HS3ST4: variants seen among roughly 807,000 people sequenced by gnomAD.
The protein encoded by HS3ST4 is heparan sulfate-glucosamine 3-sulfotransferase 4, also known as heparan sulfate glucosamine 3-O-sulfotransferase 4.
HS3ST4 carries 17 observed loss-of-function variants against 29.2 expected under a neutral mutation model. The observed-to-expected ratio is 0.58, with a 90% CI of 0.40 to 0.87. The LOEUF is 0.87. HS3ST4 is among the 40% of genes least tolerant of loss of function. The probability of loss-of-function intolerance (pLI) is 0.00; values close to 1 mark genes in which losing one functional copy is unlikely to be tolerated. For missense variants in HS3ST4, 627 were observed against 634.5 expected (o/e 0.99, Z 0.13); for synonymous variants, 314 against 285.7 (o/e 1.10, Z -1.00).
Position 25,699,510 on chromosome 16 carries a change from G to A in HS3ST4, c.734+6359G>A, listed in dbSNP as rs1596547041. Among the ~76,000 whole-genome samples, 2 of 152,288 alleles carry A rather than the reference G, an allele frequency of 1.3e-5. 1 individual carries two copies. Among genetic ancestry groups the A allele is most frequent in the South Asian group, 4.1e-4 (2 of 4,824 alleles). On this transcript the variant is annotated intron_variant, in intron 1 of 1. Coordinates refer to ENST00000331351, the MANE Select transcript of HS3ST4 (RefSeq NM_006040.3). ...AACTTGCACTTATAAAATAGATTAC[G>A]CTCAGTCGTATTAAGATCTTAGAGT...
chr16:26,102,960 C>T (rs966923900), intron 1 of HS3ST4, among the ~76,000 whole-genome samples: 8 of 152,140 alleles, frequency 5.3e-5, no homozygotes, highest in African/African-American at 1.9e-4. Context: ...GTGTAAACAA[C>T]CACTGTGCAG....
intron 1 of HS3ST4, among the ~76,000 whole-genome samples, chr16:26,011,721 A>AGG (rs1437528757): frequency 6.3e-5 from 5 of 78,854 alleles, no homozygotes; most frequent in Admixed American, 1.2e-4. Context: ...AGACAGAGAG[A>AGG]GGTGTGTGTG....
intron 1 of HS3ST4, among the ~76,000 whole-genome samples, chr16:25,845,596 C>A (rs924694988): frequency 2.7e-5 from 4 of 150,444 alleles, no homozygotes; most frequent in African/African-American, 9.8e-5. Context: ...TAATTGGTGC[C>A]GAAAAATTGA....
At chr16:25,938,088 C>A (rs1014596071) in intron 1 of HS3ST4, among the ~76,000 whole-genome samples, 1 of 152,122 alleles carries the variant, frequency 6.6e-6, no homozygotes, top group Non-Finnish European at 1.5e-5. Flanking sequence ...ATTCTACTAG[C>A]AGGTGTTGAA....
Position 26,041,802 on chromosome 16 carries a change from A to G in HS3ST4, c.735-93810A>G, listed in dbSNP as rs1043549872. On this transcript the variant is annotated intron_variant, in intron 1 of 1. Transcript: ENST00000331351. ...AGCACCCAAGAGTTTCTATCATAAT[A>G]CTTTAACAAGCCTGCAATTTAGGAC... Among the ~76,000 whole-genome samples the G allele has an allele frequency of 5.3e-5, 8 of 152,194 alleles. No individual in the cohort carries two copies. The East Asian group carries it at 1.5e-3, about 29-fold the overall frequency.
chr16:26,113,876 G>T (rs1053599972), intron 1 of HS3ST4, among the ~76,000 whole-genome samples: 1 of 152,016 alleles, frequency 6.6e-6, no homozygotes, highest in Non-Finnish European at 1.5e-5. Context: ...TTTGGGTTTG[G>T]GTCAGGGTTT....
intron 1 of HS3ST4, among the ~76,000 whole-genome samples, chr16:25,801,829 G>T (rs1159510597): frequency 2.6e-5 from 4 of 151,526 alleles, no homozygotes; most frequent in Non-Finnish European, 5.9e-5. Flanking sequence ...ATATAATTTT[G>T]TTGCTTTTTT....
intron 1 of HS3ST4, among the ~76,000 whole-genome samples, chr16:26,091,443 A>G (rs1385656807): frequency 1.3e-5 from 2 of 152,178 alleles, no homozygotes; most frequent in African/African-American, 4.8e-5. Flanking sequence ...AATGTAGCAG[A>G]GAAGAGCTTG....
chr16:25,769,629 T>C (rs574205309), intron 1 of HS3ST4, among the ~76,000 whole-genome samples: 1 of 152,234 alleles, frequency 6.6e-6, no homozygotes, highest in Non-Finnish European at 1.5e-5. Flanking sequence ...ACGGAAAGGA[T>C]TTGAAAAGGA....
intron 1 of HS3ST4, among the ~76,000 whole-genome samples, chr16:25,795,927 G>A (rs1251624867): frequency 6.6e-6 from 1 of 151,356 alleles, no homozygotes; most frequent in Non-Finnish European, 1.5e-5. Flanking sequence ...CTTCATCACT[G>A]TGAGACTGTC....
intron 1 of HS3ST4, among the ~76,000 whole-genome samples, chr16:25,694,159 A>G (rs1339560408): frequency 1.3e-5 from 2 of 152,186 alleles, no homozygotes; most frequent in African/African-American, 2.4e-5. Context: ...TGCAAATGTC[A>G]AACAGAAACA....
chr16:25,789,719 G>T (rs935712597), intron 1 of HS3ST4, among the ~76,000 whole-genome samples: 2 of 151,920 alleles, frequency 1.3e-5, no homozygotes, highest in Admixed American at 6.6e-5. Flanking sequence ...TGCCCAGAAG[G>T]TCCTCCACCT....
chr16:26,063,675 G>C (rs1180025299), intron 1 of HS3ST4, among the ~76,000 whole-genome samples: 1 of 152,102 alleles, frequency 6.6e-6, no homozygotes, highest in Non-Finnish European at 1.5e-5. Context: ...CAGCCTGGAT[G>C]ACAGAGGAAG....
intron 1 of HS3ST4, among the ~76,000 whole-genome samples, chr16:25,906,912 G>C (rs1031015989): frequency 6.6e-6 from 1 of 152,166 alleles, no homozygotes; most frequent in Non-Finnish European, 1.5e-5. Context: ...GATTATGCTG[G>C]GGCTGGGTGC....
intron 1 of HS3ST4, among the ~76,000 whole-genome samples, chr16:25,735,379 T>G (rs558987635): frequency 1.3e-5 from 2 of 152,150 alleles, no homozygotes; most frequent in African/African-American, 4.8e-5. Context: ...TGTTCTCATG[T>G]GTACTTTTTC....
chr16:26,033,811 G>A (rs978854187), intron 1 of HS3ST4, among the ~76,000 whole-genome samples: 1 of 152,126 alleles, frequency 6.6e-6, no homozygotes, highest in African/African-American at 2.4e-5. Flanking sequence ...TTCATGCTGC[G>A]TTGCTTGCAA....
At chr16:26,042,920 T>C (rs1969648226) in intron 1 of HS3ST4, among the ~76,000 whole-genome samples, 1 of 152,288 alleles carries the variant, frequency 6.6e-6, no homozygotes, top group East Asian at 1.9e-4. Context: ...TTTTACACTA[T>C]AAATCCCTTT....
chr16:25,726,677 T>C (rs941540841), intron 1 of HS3ST4, among the ~76,000 whole-genome samples: 1 of 152,300 alleles, frequency 6.6e-6, no homozygotes, highest in Non-Finnish European at 1.5e-5. Context: ...ATTCTTTGAG[T>C]TGACTTAGAA....
intron 1 of HS3ST4, among the ~76,000 whole-genome samples, chr16:25,992,623 G>A (rs1396513710): frequency 6.6e-6 from 1 of 152,208 alleles, no homozygotes; most frequent in African/African-American, 2.4e-5. Flanking sequence ...GGTATGCTGG[G>A]AGCTCCCAGC....
Sources: allele counts gnomAD v4.1 joint callset (sites outside exome capture counted in the v4.1 genomes callset), GRCh38; gene constraint gnomAD v4.1.1; transcripts MANE v1.5; gene names NCBI Gene and HGNC (gene_info 2026-07-23, HGNC 2026-07-21).